UBA6: variants seen among roughly 807,000 people sequenced by gnomAD.
UBA6 encodes ubiquitin like modifier activating enzyme 6.
Under a neutral mutation model 148.3 loss-of-function variants are expected in UBA6, and 87 were observed. The ratio of observed to expected loss-of-function variants is 0.59; its 90% CI spans 0.49 to 0.70. The LOEUF (loss-of-function observed/expected upper bound fraction) is 0.70. UBA6 is among the 30% of genes least tolerant of loss of function. UBA6 has a pLI of 0.00. For synonymous variants in UBA6, 376 were observed against 401.0 expected (o/e 0.94, Z 0.75); for missense variants, 1,186 against 1,241.2 (o/e 0.96, Z 0.67).
Position 67,644,771 on chromosome 4 carries a change from C to T in UBA6, c.1403G>A (p.Cys468Tyr). ...LQNLNIFLVG[C>Y]GAIGCEMLKN... ...CAACATTTCACAGCCTATGGCTCCA[C>T]ACCCTACCTATGGAGGAGAAAAATG... The change falls in exon 17 of 33, where the codon TGT becomes TAT. Residue 468 changes from cysteine (C) to tyrosine (Y), a missense_variant. Transcript: ENST00000322244. 2 of 1,600,128 alleles carry T rather than the reference C, an allele frequency of 1.2e-6. No individual in the cohort carries two copies. Among genetic ancestry groups the T allele is most frequent in the Non-Finnish European group, 1.7e-6 (2 of 1,167,624 alleles).
chr4:67,645,151 T>A (rs1387168915), intron 16 of UBA6, among the ~76,000 whole-genome samples: 1 of 152,142 alleles, frequency 6.6e-6, no homozygotes, highest in Non-Finnish European at 1.5e-5. Context: ...AAAAGCTCAG[T>A]AACAGTTGAT....
chr4:67,676,403 C>T (rs952450133), intron 6 of UBA6, among the ~76,000 whole-genome samples: 9 of 152,110 alleles, frequency 5.9e-5, no homozygotes, highest in Non-Finnish European at 2.9e-5. Context: ...ATCTCTAAAC[C>T]TATGTGACAG....
rs1729966755 is a variant in UBA6, at chr4:67,665,303, A to C, written c.794-11T>G. On this transcript the variant is annotated splice_polypyrimidine_tract_variant and intron_variant, in intron 9 of 32. Coordinates refer to ENST00000322244, the MANE Select transcript of UBA6 (RefSeq NM_018227.6). The stretch of plus-strand genomic sequence containing the variant: ...AAAATGGCGATATCACTAGAAGACA[A>C]AAAATTTAAAAAATCATTACACAGG... 2.6e-6 allele frequency: 4 copies of C among 1,516,538 alleles called. No individual in the cohort carries two copies. Among genetic ancestry groups the C allele is most frequent in the Non-Finnish European group, 3.6e-6 (4 of 1,111,756 alleles). The allele number at this position is 1,516,538 out of a possible 1,614,324, so 93.9% of individuals were successfully genotyped here. A position where few individuals can be genotyped will look rare whatever the true frequency, so the allele number is the denominator to read the frequency against.
chr4:67,621,397 C>T (rs1173555192), intron 32 of UBA6, among the ~76,000 whole-genome samples: 5 of 152,152 alleles, frequency 3.3e-5, no homozygotes, highest in Admixed American at 2.6e-4. Context: ...TTGTTGGTAA[C>T]CTTTTATTTG....
At chr4:67,672,698 T>C (rs1730179842) in intron 7 of UBA6, among the ~76,000 whole-genome samples, 1 of 152,164 alleles carries the variant, frequency 6.6e-6, no homozygotes, top group Non-Finnish European at 1.5e-5. Flanking sequence ...TTGCCTCTTA[T>C]TGTTCCTCAA....
At position 67,673,731 on chromosome 4, in the gene UBA6, T is replaced by C. The variant is rs1454711815; in HGVS notation, c.512A>G (p.Asn171Ser). ...EMKLPLQKKI[N>S]DFCRSQCPPI... The stretch of plus-strand genomic sequence containing the variant: ...AGGGCACTGAGAACGGCAAAAGTCA[T>C]TGATCTTCTTCTGCAATGGAAGTTT... Residue 171 changes from asparagine to serine, a missense_variant, in exon 7 of 33, where the codon AAT becomes AGT. Asn to Ser is a conservative substitution (Grantham distance 46). Coordinates refer to ENST00000322244, the MANE Select transcript of UBA6 (RefSeq NM_018227.6). 5.6e-6 allele frequency: 9 copies of C among 1,612,170 alleles called. No individual in the cohort carries two copies. Among genetic ancestry groups the C allele is most frequent in the Non-Finnish European group, 7.6e-6 (9 of 1,178,666 alleles).
At chr4:67,671,047 T>TA (rs1248702539) in intron 7 of UBA6, among the ~76,000 whole-genome samples, 1 of 151,902 alleles carries the variant, frequency 6.6e-6, no homozygotes, top group African/African-American at 2.4e-5. Flanking sequence ...GAGCAGAGTC[T>TA]ACAGAAAAAA....
intron 13 of UBA6, among the ~76,000 whole-genome samples, chr4:67,655,250 C>G (rs1729657426): frequency 6.6e-6 from 1 of 152,184 alleles, no homozygotes; most frequent in African/African-American, 2.4e-5. Context: ...CTTCTCAGCA[C>G]TACATCGCAC....
rs147685506 is a variant in UBA6, at chr4:67,655,257, G to A, written c.1105-6046C>T. On this transcript the variant is annotated intron_variant, in intron 13 of 32. Coordinates refer to ENST00000322244, the MANE Select transcript of UBA6 (RefSeq NM_018227.6). ...TATACATTCTTCTCAGCACTACATC[G>A]CACTTATTCTAAAATTGACCACATA... Among the ~76,000 whole-genome samples the A allele has an allele frequency of 2.5e-3, 378 of 152,126 alleles. 4 individuals carry two copies. In the East Asian group the frequency reaches 0.041, roughly 17 times the overall value.
chr4:67,681,710 T>G, intron 3 of UBA6, 119 bp from the exon 4 acceptor site: 1 of 672,898 alleles, frequency 1.5e-6, no homozygotes, highest in Non-Finnish European at 2.5e-6. Flanking sequence ...TACTACTTAA[T>G]ACAAGTTCCT....
At chr4:67,638,108 C>CT (rs1729210639) in intron 19 of UBA6, 1 of 152,224 alleles carries the variant, frequency 6.6e-6, no homozygotes, top group Non-Finnish European at 1.5e-5. Context: ...GTGCAAGTCT[C>CT]TAAGGTAAAA....
chr4:67,692,125 G>A (rs1730708045), intron 2 of UBA6, among the ~76,000 whole-genome samples: 1 of 152,128 alleles, frequency 6.6e-6, no homozygotes, highest in Admixed American at 6.5e-5. Context: ...AAGCAGTAAA[G>A]CTGTAGAATT....
intron 11 of UBA6, chr4:67,663,675 T>C: frequency 3.9e-6 from 2 of 509,846 alleles, no homozygotes; most frequent in Middle Eastern, 2.9e-4. Context: ...TTTTTCCTAT[T>C]ACTTTATCAT....
At chr4:67,646,046 G>C in intron 15 of UBA6, 30 bp from the exon 16 acceptor site, 1 of 1,328,950 alleles carries the variant, frequency 7.5e-7, no homozygotes, top group South Asian at 1.5e-5. Flanking sequence ...CCAAAAAGCA[G>C]AAATAAAAAA....
chr4:67,631,697 T>A lies in UBA6; in HGVS notation c.2258+11A>T, dbSNP rs1260183904. On this transcript the variant is annotated intron_variant, in intron 25 of 32. Coordinates refer to ENST00000322244, the MANE Select transcript of UBA6 (RefSeq NM_018227.6). The stretch of plus-strand genomic sequence containing the variant: ...AATGAAGGATACATAAAACTAAATA[T>A]AAATACTTACAAAGGCTCATTTAAA... The A allele has an allele frequency of 1.1e-5, 18 of 1,589,166 alleles. No individual in the cohort carries two copies. The East Asian group carries it at 3.6e-4, about 32-fold the overall frequency.
rs556834835 is a variant in UBA6, at chr4:67,668,566, T to C, written c.778A>G (p.Ile260Val). Residue 260 changes from isoleucine (I) to valine (V), a missense_variant, in exon 9 of 33, where the codon ATA (isoleucine) becomes GTA (valine). By Grantham distance (29) the Ile-to-Val change is conservative (BLOSUM62 3). Coordinates refer to ENST00000322244, the MANE Select transcript of UBA6 (RefSeq NM_018227.6). Reference protein sequence around the residue: ...INGMTGLNGSIQQITVISPFS... With the variant: ...INGMTGLNGSVQQITVISPFS... The stretch of plus-strand genomic sequence containing the variant: ...ATTGACTTACCCGTTATTTGTTGTA[T>C]AGATCCATTTAAACCTGTCATTCCA... 8.7e-6 allele frequency: 14 copies of C among 1,612,038 alleles called. No homozygotes were observed. The Admixed American group carries it at 1.0e-4, about 12-fold the overall frequency.
chr4:67,628,335 T>G (rs1577790623), intron 27 of UBA6, among the ~76,000 whole-genome samples: 1 of 151,882 alleles, frequency 6.6e-6, no homozygotes, highest in Admixed American at 6.6e-5. Flanking sequence ...CATTTAAGAC[T>G]CTTCCCCTTG....
intron 13 of UBA6, among the ~76,000 whole-genome samples, chr4:67,652,090 C>A (rs781299754): frequency 2.0e-5 from 3 of 152,008 alleles, no homozygotes; most frequent in Non-Finnish European, 2.9e-5. Context: ...AGCTTTTTGA[C>A]CCTGTGTTAA....
chr4:67,673,461 T>C (rs1450908049), intron 7 of UBA6, among the ~76,000 whole-genome samples: 1 of 152,004 alleles, frequency 6.6e-6, no homozygotes, highest in African/African-American at 2.4e-5. Context: ...TTTCAATGTT[T>C]ATCATCCTTT....
Sources: gnomAD v4.1 joint callset for allele counts (sites outside exome capture counted in the v4.1 genomes callset) on GRCh38, gnomAD v4.1.1 for gene constraint, MANE v1.5 for transcripts, NCBI Gene and HGNC (gene_info 2026-07-23, HGNC 2026-07-21) for gene names.